The following JAKMIP1 variants were observed in gnomAD, a reference collection of about 807,000 sequenced individuals.
JAKMIP1 encodes the protein janus kinase and microtubule interacting protein 1, also known as janus kinase and microtubule-interacting protein 1.
A neutral mutation model predicts 113.0 loss-of-function variants in JAKMIP1; 33 were observed. The observed-to-expected ratio is 0.29, with a 90% confidence interval of 0.22 to 0.39. The LOEUF (loss-of-function observed/expected upper bound fraction) is 0.39, where lower values mean the gene tolerates loss of function less well. JAKMIP1 is among the 10% of genes least tolerant of loss of function. The pLI, the probability that JAKMIP1 is intolerant of heterozygous loss-of-function variation, is 1.00. For missense variants in JAKMIP1, 813 were observed against 1,080.5 expected (o/e 0.75, Z 3.47); for synonymous variants, 480 against 459.9 (o/e 1.04, Z -0.56).
At chr4:6,072,169 G>A (rs754528917) in intron 8 of JAKMIP1, among the ~76,000 whole-genome samples, 17 of 152,080 alleles carry the variant, frequency 1.1e-4, no homozygotes, top group Non-Finnish European at 1.2e-4. Context: ...TACCTGCTCC[G>A]TTTCTCTCAC....
At chr4:6,047,389 G>A (rs57906941) in intron 16 of JAKMIP1, among the ~76,000 whole-genome samples, 16,543 of 152,266 alleles carry the variant, frequency 0.11, 2,069 homozygotes, top group African/African-American at 0.31. Context: ...AGGAGCCTAG[G>A]CAGCCACGGA....
At chr4:6,062,507 G>A in intron 9 of JAKMIP1, 67 bp from the exon 10 acceptor site, 1 of 1,489,566 alleles carries the variant, frequency 6.7e-7, no homozygotes, top group Non-Finnish European at 9.2e-7. Context: ...ATTTATGATT[G>A]ATTTTAATAA....
In JAKMIP1 at chr4:6,197,354, G is replaced by A. The variant is rs931925821; in HGVS notation, c.-148+2899C>T. Among the ~76,000 whole-genome samples the A allele has an allele frequency of 3.9e-5, 6 of 152,164 alleles. No individual in the cohort carries two copies. Among genetic ancestry groups the A allele is most frequent in the Non-Finnish European group, 8.8e-5 (6 of 68,034 alleles). On this transcript the variant is annotated intron_variant, in intron 1 of 20. Coordinates refer to ENST00000409021, the MANE Select transcript of JAKMIP1 (RefSeq NM_001099433.2). The surrounding 1 kb of genome is among the most constrained non-coding windows in gnomAD (Gnocchi z 6.5). ...AAGGACCCCAAATGTGGGCGTGGGAGTTTGCTCTGTGACAAGGCTAAATGA... is the reference window on the plus strand; with the variant it reads ...AAGGACCCCAAATGTGGGCGTGGGAATTTGCTCTGTGACAAGGCTAAATGA...
intron 13 of JAKMIP1, among the ~76,000 whole-genome samples, chr4:6,053,055 G>A (rs942910108): frequency 2.0e-5 from 3 of 152,216 alleles, no homozygotes; most frequent in Admixed American, 6.5e-5. Flanking sequence ...AGGGTTTCAC[G>A]CATGCAAAGG....
rs1003900881 is a variant in JAKMIP1, at chr4:6,050,119, C to T, written c.1909-247G>A. On this transcript the variant is annotated intron_variant, in intron 14 of 20. Coordinates refer to ENST00000409021, the MANE Select transcript of JAKMIP1 (RefSeq NM_001099433.2). This position sits in a 1 kb window ranked among gnomAD's most constrained non-coding sequence, Gnocchi z 7.4. The stretch of plus-strand genomic sequence containing the variant: ...GGCCATGGAAGCGGGTGAGTCAGGA[C>T]GCTGTCCCTGGAGCTGAGCAGGGCT... Among the ~76,000 whole-genome samples the T allele has an allele frequency of 6.6e-6, 1 of 152,222 alleles. No individual in the cohort carries two copies. Among genetic ancestry groups the T allele is most frequent in the Non-Finnish European group, 1.5e-5 (1 of 68,044 alleles).
At position 6,069,023 on chromosome 4, in the gene JAKMIP1, CTTT is replaced by C. The variant is rs758169277; in HGVS notation, c.1303-4018_1303-4016del. 2.6e-5 allele frequency among the ~76,000 whole-genome samples: 4 copies of C among 152,016 alleles called. No homozygotes were observed. The highest frequency in any genetic ancestry group is 4.4e-5 in the Non-Finnish European group (3 of 68,002). On this transcript the variant is annotated intron_variant, in intron 8 of 20. Coordinates refer to ENST00000409021, the MANE Select transcript of JAKMIP1 (RefSeq NM_001099433.2). The surrounding 1 kb of genome is among the most constrained non-coding windows in gnomAD (Gnocchi z 4.5). ...ACTCGATTTCTCAATATATTTGTGT[CTTT>C]ATTAATAAAAAATAGAAACAATATA...
chr4:6,148,700 T>C (rs1721181787), intron 1 of JAKMIP1, among the ~76,000 whole-genome samples: 1 of 152,232 alleles, frequency 6.6e-6, no homozygotes, highest in African/African-American at 2.4e-5. Flanking sequence ...TTCTTGTTTA[T>C]TGTTACTTGT....
intron 3 of JAKMIP1, 77 bp downstream of exon 3, chr4:6,105,396 C>T (rs777283038): frequency 1.2e-5 from 17 of 1,409,898 alleles, no homozygotes; most frequent in South Asian, 2.7e-5. Flanking sequence ...AGCAGGTCCT[C>T]GGAGCTCCGC....
At chr4:6,126,260 C>A (rs1717575959) in intron 1 of JAKMIP1, among the ~76,000 whole-genome samples, 1 of 146,818 alleles carries the variant, frequency 6.8e-6, no homozygotes, top group Non-Finnish European at 1.5e-5. Flanking sequence ...AACACACACA[C>A]ACACAAACAC....
rs77837547 is a variant in JAKMIP1, at chr4:6,193,852, C to G, written c.-148+6401G>C. The stretch of plus-strand genomic sequence containing the variant: ...GCCCTGGGAAGAAAATGTTAACACC[C>G]TGAGCACTGCTTCCAACACCAGCCG... On this transcript the variant is annotated intron_variant, in intron 1 of 20. Transcript: ENST00000409021. This position sits in a 1 kb window ranked among gnomAD's most constrained non-coding sequence, Gnocchi z 6.4. Among the ~76,000 whole-genome samples the G allele has an allele frequency of 0.018, 2,799 of 152,284 alleles. 81 individuals carry two copies. The highest frequency in any genetic ancestry group is 0.063 in the African/African-American group (2,622 of 41,552).
chr4:6,081,536 G>C lies in JAKMIP1; in HGVS notation c.1101+73C>G, dbSNP rs577270182. 1 of 1,555,534 alleles carries C rather than the reference G, an allele frequency of 6.4e-7. No individual in the cohort carries two copies. The highest frequency in any genetic ancestry group is 1.7e-5 in the Admixed American group (1 of 58,120). ...GGTGCGCCCCAGAACATGTGAATCG[G>C]GAGGTTCAGGGCTGAAGAATCCCAG... On this transcript the variant is annotated intron_variant, in intron 6 of 20. Transcript: ENST00000409021. The surrounding 1 kb of genome is among the most constrained non-coding windows in gnomAD (Gnocchi z 4.6).
intron 5 of JAKMIP1, among the ~76,000 whole-genome samples, chr4:6,084,299 C>A (rs954730945): frequency 1.2e-4 from 15 of 126,674 alleles, no homozygotes; most frequent in African/African-American, 4.2e-4. Flanking sequence ...GCCTGGGCGA[C>A]AAGAGTGAAA....
rs1470067526 is a variant in JAKMIP1 at position 6,168,720 on chromosome 4, G to A, written c.-148+31533C>T. On this transcript the variant is annotated intron_variant, in intron 1 of 20. Coordinates refer to ENST00000409021, the MANE Select transcript of JAKMIP1 (RefSeq NM_001099433.2). The surrounding 1 kb of genome is among the most constrained non-coding windows in gnomAD (Gnocchi z 4.6). ...AGCTTGGACAGGATGGCAAATCCAT[G>A]TCTCTACAAAAAAAAAACAAAACAC... 2.0e-5 allele frequency among the ~76,000 whole-genome samples: 3 copies of A among 151,188 alleles called. No homozygotes were observed. Among genetic ancestry groups the A allele is most frequent in the Admixed American group, 6.6e-5 (1 of 15,214 alleles).
chr4:6,042,041 G>T lies in JAKMIP1; in HGVS notation c.2097+118C>A. On this transcript the variant is annotated intron_variant, in intron 17 of 20. Transcript: ENST00000409021. The surrounding 1 kb of genome is among the most constrained non-coding windows in gnomAD (Gnocchi z 5.2). ...ACTTAGAACAACCACTGGGGCAAAAGCAAAATTGAGAAATGCATGCAAATC... is the reference window on the plus strand; with the variant it reads ...ACTTAGAACAACCACTGGGGCAAAATCAAAATTGAGAAATGCATGCAAATC... 1 of 824,428 alleles carries T rather than the reference G, an allele frequency of 1.2e-6. No individual in the cohort carries two copies. The allele number at this position is 824,428 out of a possible 1,614,324, so 51.1% of individuals were successfully genotyped here.
intron 7 of JAKMIP1, 72 bp from the exon 8 acceptor site, chr4:6,079,070 A>C: frequency 1.9e-6 from 3 of 1,546,470 alleles, no homozygotes; most frequent in Non-Finnish European, 1.8e-6. Context: ...CTGGCTCTCA[A>C]AGGGAGCTGG....
intron 17 of JAKMIP1, among the ~76,000 whole-genome samples, chr4:6,041,378 T>G (rs1028296862): frequency 7.2e-5 from 11 of 152,176 alleles, no homozygotes; most frequent in African/African-American, 2.2e-4. Flanking sequence ...AACCCAGGCC[T>G]TCTGGCATCA....
rs779370970 is a variant in JAKMIP1, at chr4:6,143,978, G to A, written c.-147-30981C>T. Among the ~76,000 whole-genome samples, 10 of 152,172 alleles carry A rather than the reference G, an allele frequency of 6.6e-5. No individual in the cohort carries two copies. The highest frequency in any genetic ancestry group is 8.8e-5 in the Non-Finnish European group (6 of 68,036). On this transcript the variant is annotated intron_variant, in intron 1 of 20. Coordinates refer to ENST00000409021, the MANE Select transcript of JAKMIP1 (RefSeq NM_001099433.2). The surrounding 1 kb of genome is among the most constrained non-coding windows in gnomAD (Gnocchi z 4.9). ...AGCATCTGCCTCACAGGCATGCCAG[G>A]GGGTCAAAGCAGAGAGGCTCACTCG... is the stretch of plus-strand genomic sequence containing the variant.
rs1719813626 is a variant in JAKMIP1, at chr4:6,139,657, T to C, written c.-147-26660A>G. Among the ~76,000 whole-genome samples, 1 of 151,898 alleles carries C rather than the reference T, an allele frequency of 6.6e-6. No individual in the cohort carries two copies. The highest frequency in any genetic ancestry group is 1.5e-5 in the Non-Finnish European group (1 of 67,986). On this transcript the variant is annotated intron_variant, in intron 1 of 20. Coordinates refer to ENST00000409021, the MANE Select transcript of JAKMIP1 (RefSeq NM_001099433.2). This position sits in a 1 kb window ranked among gnomAD's most constrained non-coding sequence, Gnocchi z 5.2. Reference sequence around the variant, plus strand: ...GGCACACACCTGTAGTCCCAGCTACTTGGGAGGCTGAGGCAGGAGAATCGC... The same window carrying C: ...GGCACACACCTGTAGTCCCAGCTACCTGGGAGGCTGAGGCAGGAGAATCGC...
At chr4:6,071,581 GTCCCT>G (rs1718967119) in intron 8 of JAKMIP1, among the ~76,000 whole-genome samples, 1 of 152,202 alleles carries the variant, frequency 6.6e-6, no homozygotes, top group Admixed American at 6.5e-5. Context: ...AATGGCACCT[GTCCCT>G]TCCCAAGTCT....
Sources: allele counts gnomAD v4.1 joint callset (sites outside exome capture counted in the v4.1 genomes callset), GRCh38; gene constraint gnomAD v4.1.1; non-coding constraint Gnocchi (gnomAD v3.1); transcripts MANE v1.5; gene names NCBI Gene and HGNC (gene_info 2026-07-23, HGNC 2026-07-21).